The following SLC9A8 variants were observed in gnomAD, a reference collection of about 807,000 sequenced individuals.
SLC9A8 encodes the protein sodium/hydrogen exchanger 8.
SLC9A8 carries 48 observed loss-of-function variants against 66.6 expected under a neutral mutation model. The ratio of observed to expected loss-of-function variants is 0.72; its 90% CI spans 0.57 to 0.92. SLC9A8 has a LOEUF of 0.92. Among genes scored for constraint, SLC9A8 ranks in the 40% least tolerant of loss-of-function variants. The pLI is 0.00. For missense variants in SLC9A8, 599 were observed against 747.3 expected (o/e 0.80, Z 2.31); for synonymous variants, 274 against 282.6 (o/e 0.97, Z 0.31).
At chr20:49,869,467 C>G (rs2089114141) in intron 10 of SLC9A8, among the ~76,000 whole-genome samples, 1 of 151,582 alleles carries the variant, frequency 6.6e-6, no homozygotes, top group South Asian at 2.1e-4. Flanking sequence ...CGTGATCTGT[C>G]CGCCTCGGCC....
intron 3 of SLC9A8, chr20:49,830,537 G>A: frequency 1.5e-6 from 1 of 666,192 alleles, no homozygotes; most frequent in South Asian, 1.7e-5. Flanking sequence ...TCACTTAGCT[G>A]GCCTGGGTGA....
intron 8 of SLC9A8, among the ~76,000 whole-genome samples, chr20:49,855,993 A>G (rs932946114): frequency 1.3e-5 from 2 of 152,108 alleles, no homozygotes; most frequent in Non-Finnish European, 2.9e-5. Flanking sequence ...GGGGTTCGCC[A>G]TGTTGCCCAG....
At chr20:49,829,727 A>C in intron 3 of SLC9A8, 1 of 508,456 alleles carries the variant, frequency 2.0e-6, no homozygotes, top group South Asian at 1.7e-5. Context: ...GGGAAAGATC[A>C]GACGTCATCC....
intron 5 of SLC9A8, 112 bp downstream of exon 5, chr20:49,845,231 C>T: frequency 2.6e-6 from 2 of 766,922 alleles, no homozygotes; most frequent in Non-Finnish European, 4.6e-6. Context: ...AGCAGCTCTG[C>T]TCCTTCCTGG....
At chr20:49,847,127 A>G (rs2088030934) in intron 5 of SLC9A8, among the ~76,000 whole-genome samples, 1 of 152,098 alleles carries the variant, frequency 6.6e-6, no homozygotes, top group Non-Finnish European at 1.5e-5. Context: ...TTTATTGTGC[A>G]TCTATCCAAA....
At chr20:49,868,352 C>G (rs939139070) in intron 10 of SLC9A8, among the ~76,000 whole-genome samples, 1 of 152,156 alleles carries the variant, frequency 6.6e-6, no homozygotes. Flanking sequence ...CTGCTCTGTC[C>G]GCACTTTGCC....
chr20:49,831,410 T>A (rs921633281), intron 3 of SLC9A8, among the ~76,000 whole-genome samples: 2 of 124,952 alleles, frequency 1.6e-5, no homozygotes, highest in East Asian at 4.7e-4. Context: ...ACACTCTCTC[T>A]CTCTCTCTCT....
At position 49,886,857 on chromosome 20, in the gene SLC9A8, A is replaced by G; in HGVS notation, c.1597A>G (p.Lys533Glu). Reference sequence around the variant, plus strand: ...TAAGGGCTTCGTGTGGCTGGACGCCAAGTACCTGAACCCCTTCTTCACTCG... The same window carrying G: ...TAAGGGCTTCGTGTGGCTGGACGCCGAGTACCTGAACCCCTTCTTCACTCG... ...DLKGFVWLDA[K>E]YLNPFFTRRL... The change falls in exon 15 of 16, where the codon AAG becomes GAG. Residue 533 changes from lysine to glutamate, a missense_variant. Physicochemically the swap from Lys to Glu is moderately conservative, Grantham distance 56. This residue lies in a region of SLC9A8 where 467 missense variants were observed against 626.5 expected (regional missense o/e 0.75). Coordinates refer to ENST00000361573, the MANE Select transcript of SLC9A8 (RefSeq NM_015266.3). The surrounding 1 kb of genome is among the most constrained non-coding windows in gnomAD (Gnocchi z 4.8). The G allele has an allele frequency of 1.2e-6, 2 of 1,614,132 alleles. No homozygotes were observed. Among genetic ancestry groups the G allele is most frequent in the Non-Finnish European group, 1.7e-6 (2 of 1,180,008 alleles).
chr20:49,838,946 A>G (rs2087651958), intron 3 of SLC9A8, among the ~76,000 whole-genome samples: 1 of 151,312 alleles, frequency 6.6e-6, no homozygotes, highest in African/African-American at 2.4e-5. Flanking sequence ...AATTGTGCCC[A>G]TGCTGCTTCT....
chr20:49,846,838 G>C (rs2088017069), intron 5 of SLC9A8, among the ~76,000 whole-genome samples: 1 of 152,128 alleles, frequency 6.6e-6, no homozygotes, highest in African/African-American at 2.4e-5. Context: ...CATGAGAATA[G>C]CTTGAACTCG....
intron 4 of SLC9A8, among the ~76,000 whole-genome samples, chr20:49,843,232 A>G (rs941929564): frequency 6.6e-6 from 1 of 152,014 alleles, no homozygotes; most frequent in African/African-American, 2.4e-5. Flanking sequence ...AAAAGGCTGT[A>G]TATAGTGGTC....
intron 15 of SLC9A8, 100 bp from the exon 16 acceptor site, chr20:49,887,729 T>A: frequency 1.2e-6 from 1 of 854,666 alleles, no homozygotes; most frequent in East Asian, 2.7e-5. Flanking sequence ...GCCTCCCACC[T>A]CCTCCCTAGA....
chr20:49,883,893 G>C lies in SLC9A8; in HGVS notation c.1318G>C (p.Glu440Gln), dbSNP rs895100439. The change falls in exon 14 of 16, where the codon GAG becomes CAG. Residue 440 changes from glutamate (E) to glutamine (Q), a missense_variant. Glu to Gln is a conservative substitution (Grantham distance 29). Around this residue, in one of 2 missense-constraint regions of SLC9A8, gnomAD observed 467 missense variants for 626.5 expected, o/e 0.75. Coordinates refer to ENST00000361573, the MANE Select transcript of SLC9A8 (RefSeq NM_015266.3). The stretch of plus-strand genomic sequence containing the variant: ...TGCCCTGAGCCTACACCTGGACCTG[G>C]AGCCCATGGAGAAGCGGCAGCTCAT... ...PYALSLHLDL[E>Q]PMEKRQLIGT... is the part of the protein sequence containing the mutation. The C allele has an allele frequency of 1.9e-6, 3 of 1,610,004 alleles. No homozygotes were observed. Among genetic ancestry groups the C allele is most frequent in the Non-Finnish European group, 2.5e-6 (3 of 1,179,990 alleles).
At chr20:49,838,297 C>T (rs1439641099) in intron 3 of SLC9A8, among the ~76,000 whole-genome samples, 1 of 152,096 alleles carries the variant, frequency 6.6e-6, no homozygotes, top group Non-Finnish European at 1.5e-5. Context: ...CATGTAAAAG[C>T]TCCTTAAAAT....
Position 49,874,463 on chromosome 20 carries a change from G to A in SLC9A8, c.959-242G>A, listed in dbSNP as rs569103445. The stretch of plus-strand genomic sequence containing the variant: ...ACTATTAGTCCCACTGTACAGAAGC[G>A]GAAACTGAGGCTCTGATGGGGGATG... On this transcript the variant is annotated intron_variant, in intron 10 of 15. Transcript: ENST00000361573. Among the ~76,000 whole-genome samples the A allele has an allele frequency of 4.6e-5, 7 of 152,262 alleles. No individual in the cohort carries two copies. The South Asian group carries it at 8.3e-4, about 18-fold the overall frequency.
At chr20:49,861,587 G>A (rs530315317) in intron 8 of SLC9A8, among the ~76,000 whole-genome samples, 1 of 152,222 alleles carries the variant, frequency 6.6e-6, no homozygotes, top group Admixed American at 6.5e-5. Flanking sequence ...AGTGGACAAC[G>A]GGGTTGGTCT....
At chr20:49,830,850 G>A (rs963709424) in intron 3 of SLC9A8, 24 of 1,446,392 alleles carry the variant, frequency 1.7e-5, no homozygotes, top group Middle Eastern at 2.0e-4. Context: ...CCTCAATCAG[G>A]GACAGTTGGC....
At chr20:49,846,188 G>C (rs1228406685) in intron 5 of SLC9A8, among the ~76,000 whole-genome samples, 1 of 152,090 alleles carries the variant, frequency 6.6e-6, no homozygotes. Flanking sequence ...TTTTAAGCCT[G>C]CTTGTGTGCG....
chr20:49,852,371 C>T (rs1388743953), intron 7 of SLC9A8, among the ~76,000 whole-genome samples: 2 of 152,172 alleles, frequency 1.3e-5, no homozygotes, highest in African/African-American at 4.8e-5. Context: ...ATGTTGACAA[C>T]TTGCTCAATT....
Sources: gnomAD v4.1 joint callset for allele counts (sites outside exome capture counted in the v4.1 genomes callset) on GRCh38, gnomAD v4.1.1 for gene constraint, gnomAD v4.1.1 regional missense constraint, Gnocchi (gnomAD v3.1) non-coding constraint, MANE v1.5 for transcripts, NCBI Gene and HGNC (gene_info 2026-07-23, HGNC 2026-07-21) for gene names.